Variants in GNB4 observed in about 807,000 individuals in gnomAD.
GNB4 encodes G protein subunit beta 4.
Under a neutral mutation model 45.2 loss-of-function variants are expected in GNB4, and 28 were observed. The ratio of observed to expected loss-of-function variants is 0.62; its 90% CI spans 0.46 to 0.85. The LOEUF is 0.85. Among genes scored for constraint, GNB4 ranks in the 40% least tolerant of loss-of-function variants. The pLI is 0.00. For synonymous variants in GNB4, 132 were observed against 143.7 expected (o/e 0.92, Z 0.58); for missense variants, 321 against 425.4 (o/e 0.75, Z 2.16).
chr3:179,480,359 CTT>C, the GNB4 span, among the ~76,000 whole-genome samples: 2 of 152,208 alleles, frequency 1.3e-5, no homozygotes, highest in Non-Finnish European at 2.9e-5. Flanking sequence ...CATCTGGTGA[CTT>C]AGTCCAGATA....
the GNB4 span, among the ~76,000 whole-genome samples, chr3:179,468,052 A>ATATATATAT: frequency 2.2e-5 from 3 of 139,470 alleles, no homozygotes; most frequent in Non-Finnish European, 3.1e-5. Context: ...ATATATATAG[A>ATATATATAT]ACAGGTGTGG....
In GNB4 at chr3:179,400,510, ACTTTTT is replaced by A. The variant is rs1192790155; in HGVS notation, c.*697_*702del. ...AAGAACCATTTATATGCTATTACCT[ACTTTTT>A]ATTAATTATAATGATGTTTCTTATG... On this transcript the variant is annotated 3_prime_UTR_variant, in exon 10 of 10. Coordinates refer to ENST00000232564, the MANE Select transcript of GNB4 (RefSeq NM_021629.4). 4 of 152,168 alleles carry A rather than the reference ACTTTTT, an allele frequency of 2.6e-5. No homozygotes were observed. Among genetic ancestry groups the A allele is most frequent in the Admixed American group, 2.6e-4 (4 of 15,272 alleles). 9.4% of individuals were successfully genotyped at this position (152,168 alleles called of 1,614,324 possible).
chr3:179,524,730 G>A, the GNB4 span, among the ~76,000 whole-genome samples: 2 of 152,124 alleles, frequency 1.3e-5, no homozygotes, highest in African/African-American at 2.4e-5. Flanking sequence ...GAACTGGGCT[G>A]GGTTTTTATA....
At chr3:179,471,918 C>T in the GNB4 span, among the ~76,000 whole-genome samples, 1 of 152,094 alleles carries the variant, frequency 6.6e-6, no homozygotes, top group Admixed American at 6.6e-5. Flanking sequence ...AACTCTTTGA[C>T]TTAGATCCTA....
At chr3:179,511,608 T>A in the GNB4 span, among the ~76,000 whole-genome samples, 14 of 152,290 alleles carry the variant, frequency 9.2e-5, no homozygotes, top group African/African-American at 3.4e-4. Flanking sequence ...TCTTTGTACC[T>A]CAGTCTCCTT....
At chr3:179,455,126 G>C (rs1454706634), upstream of GNB4, among the ~76,000 whole-genome samples, 1 of 152,140 alleles carries the variant, frequency 6.6e-6, no homozygotes, top group Non-Finnish European at 1.5e-5. Context: ...TTTCCACTCA[G>C]GTTCTCGTTA....
At position 179,405,235 on chromosome 3, in the gene GNB4, C is replaced by T; in HGVS notation, c.871G>A (p.Asp291Asn). The T allele has an allele frequency of 6.2e-7, 1 of 1,614,148 alleles. No individual in the cohort carries two copies. The highest frequency in any genetic ancestry group is 1.1e-5 in the South Asian group (1 of 91,084). ...GTGTCCCATACATTACAATTAAAGTCATCGTAACCAGCCAACAAGAGACGC... is the reference window on the plus strand; with the variant it reads ...GTGTCCCATACATTACAATTAAAGTTATCGTAACCAGCCAACAAGAGACGC... ...SGRLLLAGYD[D>N]FNCNVWDTLK... Residue 291 changes from aspartate to asparagine, a missense_variant, in exon 9 of 10, where the codon GAC becomes AAC. By Grantham distance (23) the Asp-to-Asn change is conservative. Coordinates refer to ENST00000232564, the MANE Select transcript of GNB4 (RefSeq NM_021629.4).
chr3:179,495,850 T>C, the GNB4 span, among the ~76,000 whole-genome samples: 34 of 152,218 alleles, frequency 2.2e-4, no homozygotes, highest in Non-Finnish European at 3.2e-4. Context: ...AGAATACTTA[T>C]CTAGCCAAAC....
rs1193746145 is a variant in GNB4, at chr3:179,400,994, T to G, written c.*219A>C. 2.3e-6 allele frequency: 1 copy of G among 440,054 alleles called. No homozygotes were observed. The highest frequency in any genetic ancestry group is 4.1e-6 in the Non-Finnish European group (1 of 244,548). 27.3% of individuals were successfully genotyped at this position (440,054 alleles called of 1,614,324 possible). ...ACCAAGGTTAAAATAACCCAACCCC[T>G]CAAATTAATACACTGGTCCTTTTGA... On this transcript the variant is annotated 3_prime_UTR_variant, in exon 10 of 10. Coordinates refer to ENST00000232564, the MANE Select transcript of GNB4 (RefSeq NM_021629.4).
At chr3:179,501,395 T>G in the GNB4 span, among the ~76,000 whole-genome samples, 245 of 151,936 alleles carry the variant, frequency 1.6e-3, no homozygotes, top group African/African-American at 5.3e-3. Flanking sequence ...GTCTCTTAGC[T>G]TCAAGTGATT....
chr3:179,446,548 T>C (rs1396969682), intron 1 of GNB4, among the ~76,000 whole-genome samples: 5 of 152,228 alleles, frequency 3.3e-5, no homozygotes, highest in Non-Finnish European at 7.3e-5. Flanking sequence ...GTATTGTAAT[T>C]ATTCAGGAGG....
At position 179,413,786 on chromosome 3, in the gene GNB4, AG is replaced by A. The variant is rs1560213508; in HGVS notation, c.431-6del. 1 of 1,613,106 alleles carries A rather than the reference AG, an allele frequency of 6.2e-7. No individual in the cohort carries two copies. The highest frequency in any genetic ancestry group is 2.2e-5 in the East Asian group (1 of 44,862). On this transcript the variant is annotated splice_polypyrimidine_tract_variant and splice_region_variant and intron_variant, in intron 6 of 9. Coordinates refer to ENST00000232564, the MANE Select transcript of GNB4 (RefSeq NM_021629.4). ...AACGACAGCAGGACAAGTACCCTAC[AG>A]CATAAAGAGTAGCAAATTTTAGGTT...
At chr3:179,421,010 G>A (rs1714965583) in intron 2 of GNB4, 83 bp from the exon 3 acceptor site, 4 of 806,136 alleles carry the variant, frequency 5.0e-6, no homozygotes, top group Admixed American at 4.6e-5. Flanking sequence ...ACGTAGATTT[G>A]TGAATTTACT....
chr3:179,460,815 A>C, the GNB4 span, among the ~76,000 whole-genome samples: 1 of 151,984 alleles, frequency 6.6e-6, no homozygotes, highest in Non-Finnish European at 1.5e-5. Flanking sequence ...AGTAATATAT[A>C]ATTTTTTATC....
chr3:179,481,012 G>A, the GNB4 span, among the ~76,000 whole-genome samples: 5 of 151,766 alleles, frequency 3.3e-5, no homozygotes, highest in African/African-American at 7.3e-5. Context: ...CACCACGCCC[G>A]GCTAATTTTT....
the GNB4 span, among the ~76,000 whole-genome samples, chr3:179,492,488 C>T: frequency 5.3e-5 from 8 of 152,122 alleles, no homozygotes; most frequent in Non-Finnish European, 1.2e-4. Flanking sequence ...GCCCGAGCAG[C>T]CCTGGTACCT....
the GNB4 span, among the ~76,000 whole-genome samples, chr3:179,509,573 C>T: frequency 2.1e-4 from 32 of 151,956 alleles, no homozygotes; most frequent in African/African-American, 6.8e-4. Context: ...CTCCATGGAG[C>T]GGACTGTTGC....
the GNB4 span, among the ~76,000 whole-genome samples, chr3:179,465,857 T>C: frequency 2.0e-5 from 3 of 149,492 alleles, no homozygotes; most frequent in African/African-American, 7.4e-5. Flanking sequence ...GGGGTCTTGC[T>C]ATGTTGCCTG....
chr3:179,409,036 T>C (rs1397801878), intron 8 of GNB4, among the ~76,000 whole-genome samples: 2 of 146,296 alleles, frequency 1.4e-5, no homozygotes, highest in South Asian at 2.2e-4. Flanking sequence ...CGCACCTGTA[T>C]ACCCAGCTAC....
Sources: gnomAD v4.1 joint callset for allele counts (sites outside exome capture counted in the v4.1 genomes callset) on GRCh38, gnomAD v4.1.1 for gene constraint, MANE v1.5 for transcripts, NCBI Gene and HGNC (gene_info 2026-07-23, HGNC 2026-07-21) for gene names.